CPA6: variants seen among roughly 807,000 people sequenced by gnomAD.
The protein encoded by CPA6 is carboxypeptidase A6.
In CPA6, 58 loss-of-function variants were observed where a neutral mutation model predicts 63.3. The ratio of observed to expected loss-of-function variants is 0.92; its 90% CI spans 0.74 to 1.14. The LOEUF (loss-of-function observed/expected upper bound fraction) is 1.14. Ranked by LOEUF, CPA6 falls within the 50% of genes most tolerant of loss-of-function variation. The probability of loss-of-function intolerance (pLI) is 0.00; values close to 1 mark genes in which losing one functional copy is unlikely to be tolerated. For missense variants in CPA6, 565 were observed against 526.6 expected, an observed-to-expected ratio of 1.07 and a Z score of -0.71; for synonymous variants, 185 against 179.0, an observed-to-expected ratio of 1.03 and a Z score of -0.27.
chr8:67,673,292 A>AATTTGG, intron 1 of CPA6, among the ~76,000 whole-genome samples: 1 of 151,460 alleles, frequency 6.6e-6, no homozygotes, highest in South Asian at 2.1e-4. Context: ...AATGATTTTA[A>AATTTGG]ATTTGGATTT....
At chr8:67,611,084 C>T (rs901757613) in intron 2 of CPA6, among the ~76,000 whole-genome samples, 129 of 111,330 alleles carry the variant, frequency 1.2e-3, no homozygotes, top group Non-Finnish European at 1.7e-3. Flanking sequence ...CCTTTTCACT[C>T]CTTCTTTTTT....
intron 2 of CPA6, among the ~76,000 whole-genome samples, chr8:67,601,029 C>G (rs901179416): frequency 5.3e-5 from 8 of 152,098 alleles, no homozygotes; most frequent in Non-Finnish European, 1.5e-5. Flanking sequence ...TGAGCATTTC[C>G]TGTAATTGCT....
At chr8:67,607,025 T>C (rs1166888351) in intron 2 of CPA6, among the ~76,000 whole-genome samples, 2 of 152,068 alleles carry the variant, frequency 1.3e-5, no homozygotes, top group Admixed American at 1.3e-4. Context: ...GAAGTTTCAT[T>C]AAGTAACCAC....
At chr8:67,518,728 C>G (rs1417284905) in intron 2 of CPA6, among the ~76,000 whole-genome samples, 2 of 151,824 alleles carry the variant, frequency 1.3e-5, no homozygotes, top group Non-Finnish European at 2.9e-5. Flanking sequence ...CCAGGCTGGT[C>G]TTGAACTCCT....
intron 6 of CPA6, among the ~76,000 whole-genome samples, chr8:67,497,469 G>T (rs1811744190): frequency 6.6e-6 from 1 of 151,972 alleles, no homozygotes; most frequent in Admixed American, 6.6e-5. Flanking sequence ...CTGTTGTATG[G>T]TTATACCAAT....
At chr8:67,722,717 A>G (rs1364737273) in intron 1 of CPA6, among the ~76,000 whole-genome samples, 1 of 152,234 alleles carries the variant, frequency 6.6e-6, no homozygotes, top group African/African-American at 2.4e-5. Context: ...GGAGCACTTG[A>G]TATTTTTTAT....
chr8:67,591,770 C>G (rs1231430199), intron 2 of CPA6, among the ~76,000 whole-genome samples: 1 of 152,188 alleles, frequency 6.6e-6, no homozygotes, highest in Non-Finnish European at 1.5e-5. Flanking sequence ...TGCTTATCAG[C>G]TTAAGGAGAC....
intron 10 of CPA6, among the ~76,000 whole-genome samples, chr8:67,426,444 T>C (rs1809886966): frequency 6.6e-6 from 1 of 152,188 alleles, no homozygotes. Flanking sequence ...AAATACAGTT[T>C]TTTTTTTTCC....
chr8:67,696,277 T>G (rs1816910977), intron 1 of CPA6, among the ~76,000 whole-genome samples: 1 of 152,164 alleles, frequency 6.6e-6, no homozygotes, highest in African/African-American at 2.4e-5. Context: ...ATAAAGAATA[T>G]ATAAATGCAT....
intron 2 of CPA6, among the ~76,000 whole-genome samples, chr8:67,615,746 A>G (rs1447543681): frequency 6.6e-6 from 1 of 152,190 alleles, no homozygotes; most frequent in African/African-American, 2.4e-5. Flanking sequence ...GGGATGGGTG[A>G]ATGGAGGAAG....
At chr8:67,741,121 AG>A (rs1817905065) in intron 1 of CPA6, among the ~76,000 whole-genome samples, 1 of 152,184 alleles carries the variant, frequency 6.6e-6, no homozygotes, top group South Asian at 2.1e-4. Flanking sequence ...ACAAAGAAGA[AG>A]GGGGAAGAAA....
At chr8:67,673,882 T>C (rs112277798) in intron 1 of CPA6, among the ~76,000 whole-genome samples, 3,672 of 152,254 alleles carry the variant, frequency 0.024, 182 homozygotes, top group African/African-American at 0.085. Context: ...TCAAGAAGCC[T>C]TTAATACAAT....
intron 1 of CPA6, among the ~76,000 whole-genome samples, chr8:67,633,179 T>C (rs71515071): frequency 6.6e-6 from 1 of 152,202 alleles, no homozygotes; most frequent in African/African-American, 2.4e-5. Flanking sequence ...CTCTTCTTTG[T>C]TTTATTTTAT....
intron 1 of CPA6, among the ~76,000 whole-genome samples, chr8:67,715,960 C>A (rs1427391450): frequency 6.6e-6 from 1 of 151,992 alleles, no homozygotes; most frequent in Admixed American, 6.6e-5. Flanking sequence ...TCGAGATCAG[C>A]CGGACCAACG....
At chr8:67,672,587 C>T (rs1442417090) in intron 1 of CPA6, among the ~76,000 whole-genome samples, 2 of 152,178 alleles carry the variant, frequency 1.3e-5, no homozygotes, top group East Asian at 1.9e-4. Flanking sequence ...CTAGGGTCTT[C>T]CAGAATACTT....
intron 1 of CPA6, among the ~76,000 whole-genome samples, chr8:67,685,502 C>T (rs1304817729): frequency 1.3e-5 from 2 of 152,166 alleles, no homozygotes; most frequent in Admixed American, 1.3e-4. Flanking sequence ...GCCTGTAGTT[C>T]CAGCTACTAG....
chr8:67,468,814 A>T (rs574895330), intron 8 of CPA6, among the ~76,000 whole-genome samples: 68 of 152,040 alleles, frequency 4.5e-4, no homozygotes, highest in African/African-American at 1.5e-3. Flanking sequence ...CTCACTTCTC[A>T]CTACTGCTTC....
At chr8:67,595,362 C>T (rs910041436) in intron 2 of CPA6, among the ~76,000 whole-genome samples, 8 of 152,318 alleles carry the variant, frequency 5.3e-5, no homozygotes, top group East Asian at 3.9e-4. Context: ...GCAGTCTGCC[C>T]GTTCTCAGAT....
At chr8:67,501,044 C>A (rs1811820614) in intron 6 of CPA6, among the ~76,000 whole-genome samples, 1 of 152,056 alleles carries the variant, frequency 6.6e-6, no homozygotes, top group Admixed American at 6.6e-5. Context: ...TTTTAGCTCT[C>A]CTACTTCCTT....
Sources: allele counts gnomAD v4.1 joint callset (sites outside exome capture counted in the v4.1 genomes callset), GRCh38; gene constraint gnomAD v4.1.1; transcripts MANE v1.5; gene names NCBI Gene and HGNC (gene_info 2026-07-23, HGNC 2026-07-21).